Variants in LYPLAL1 observed in about 807,000 individuals in gnomAD.
LYPLAL1 encodes lysophospholipase like 1, also known as lysophospholipase-like protein 1.
In LYPLAL1, 23 loss-of-function variants were observed where a neutral mutation model predicts 19.7. That is an observed-to-expected ratio of 1.17 (90% CI 0.84 to 1.65). LYPLAL1 has a LOEUF of 1.65. LYPLAL1 is among the 40% of genes most tolerant of loss of function. LYPLAL1 has a pLI of 0.00. For synonymous variants in LYPLAL1, 119 were observed against 96.3 expected, an observed-to-expected ratio of 1.24 and a Z score of -1.38; for missense variants, 355 against 279.4, an observed-to-expected ratio of 1.27 and a Z score of -1.93.
chr1:219,228,487 C>G, the LYPLAL1 span, among the ~76,000 whole-genome samples: 35 of 150,516 alleles, frequency 2.3e-4, 1 homozygote, highest in Admixed American at 1.9e-3. Flanking sequence ...GTTGCTATGT[C>G]TTATCTCAAG....
the LYPLAL1 span, among the ~76,000 whole-genome samples, chr1:219,421,962 T>G: frequency 6.6e-6 from 1 of 152,202 alleles, no homozygotes; most frequent in Non-Finnish European, 1.5e-5. Flanking sequence ...AAAATTTGAT[T>G]GTGCCCTTTC....
chr1:219,376,924 G>T, the LYPLAL1 span, among the ~76,000 whole-genome samples: 2 of 152,136 alleles, frequency 1.3e-5, no homozygotes, highest in Admixed American at 1.3e-4. Context: ...CAGTATGGTG[G>T]TTCCTCAAAA....
At chr1:219,389,328 G>A in the LYPLAL1 span, among the ~76,000 whole-genome samples, 1 of 152,238 alleles carries the variant, frequency 6.6e-6, no homozygotes, top group African/African-American at 2.4e-5. Flanking sequence ...ACAAGAGTAT[G>A]GGGAAGGCCT....
At chr1:219,289,059 A>G in the LYPLAL1 span, among the ~76,000 whole-genome samples, 28 of 149,204 alleles carry the variant, frequency 1.9e-4, no homozygotes, top group African/African-American at 6.8e-4. Flanking sequence ...ATGTGCTGGC[A>G]CAAGTTACCT....
the LYPLAL1 span, among the ~76,000 whole-genome samples, chr1:219,332,006 G>A: frequency 4.5e-4 from 69 of 152,274 alleles, no homozygotes; most frequent in South Asian, 8.3e-4. Context: ...ACACTAGCCC[G>A]AGGTTCACTA....
the LYPLAL1 span, among the ~76,000 whole-genome samples, chr1:219,439,982 T>TATATATACACATATATATATATAC: frequency 1.7e-3 from 112 of 66,430 alleles, 1 homozygote; most frequent in African/African-American, 6.2e-3. Context: ...TACATATATA[T>TATATATACACATATATATATATAC]ATATATATAC....
At chr1:219,360,699 G>A in the LYPLAL1 span, among the ~76,000 whole-genome samples, 1 of 152,212 alleles carries the variant, frequency 6.6e-6, no homozygotes, top group Admixed American at 6.5e-5. Flanking sequence ...GATGTAAGAG[G>A]ACACTTGCTG....
At chr1:219,214,418 T>C (rs1335860917), downstream of LYPLAL1, among the ~76,000 whole-genome samples, 2 of 152,076 alleles carry the variant, frequency 1.3e-5, no homozygotes, top group Non-Finnish European at 2.9e-5. Flanking sequence ...TCCTCTTCTG[T>C]TTTCTGGGAT....
chr1:219,268,382 G>T, the LYPLAL1 span, among the ~76,000 whole-genome samples: 1 of 152,204 alleles, frequency 6.6e-6, no homozygotes, highest in African/African-American at 2.4e-5. Flanking sequence ...AGATGGAGTA[G>T]CTAGCACAAA....
the LYPLAL1 span, among the ~76,000 whole-genome samples, chr1:219,314,328 G>C: frequency 2.0e-5 from 3 of 152,038 alleles, no homozygotes; most frequent in African/African-American, 7.2e-5. Flanking sequence ...ATATTCCTTT[G>C]GGCATATACC....
At chr1:219,416,659 T>G in the LYPLAL1 span, among the ~76,000 whole-genome samples, 4 of 152,284 alleles carry the variant, frequency 2.6e-5, no homozygotes, top group African/African-American at 9.6e-5. Flanking sequence ...TAGAACTTTG[T>G]AGGGAAGGGG....
At chr1:219,350,191 A>G in the LYPLAL1 span, among the ~76,000 whole-genome samples, 1 of 152,316 alleles carries the variant, frequency 6.6e-6, no homozygotes, top group East Asian at 1.9e-4. Flanking sequence ...TCAGATGCTC[A>G]TGTTTTCCAT....
chr1:219,254,167 A>T, the LYPLAL1 span, among the ~76,000 whole-genome samples: 1 of 151,846 alleles, frequency 6.6e-6, no homozygotes, highest in Non-Finnish European at 1.5e-5. Context: ...TAAGCTTATG[A>T]GTGTCATTAC....
the LYPLAL1 span, among the ~76,000 whole-genome samples, chr1:219,302,605 A>G: frequency 6.6e-6 from 1 of 152,198 alleles, no homozygotes; most frequent in East Asian, 1.9e-4. Context: ...AATAAACATA[A>G]TATTTTTCAC....
At chr1:219,372,895 C>A in the LYPLAL1 span, among the ~76,000 whole-genome samples, 3 of 151,858 alleles carry the variant, frequency 2.0e-5, no homozygotes, top group Admixed American at 2.0e-4. Flanking sequence ...CACAGTGAGA[C>A]CCCTTCTCAA....
chr1:219,378,832 A>G, the LYPLAL1 span, among the ~76,000 whole-genome samples: 2 of 152,166 alleles, frequency 1.3e-5, no homozygotes, highest in East Asian at 3.9e-4. Context: ...ACAATAGACA[A>G]TATATTTTTA....
the LYPLAL1 span, among the ~76,000 whole-genome samples, chr1:219,346,366 A>G: frequency 2.3e-4 from 35 of 152,144 alleles, no homozygotes; most frequent in Non-Finnish European, 4.3e-4. Flanking sequence ...CAGTTCCTTG[A>G]TACCGTCTGG....
At chr1:219,340,680 C>T in the LYPLAL1 span, among the ~76,000 whole-genome samples, 5 of 151,870 alleles carry the variant, frequency 3.3e-5, no homozygotes, top group African/African-American at 7.3e-5. Flanking sequence ...GAAGTTGAAT[C>T]GATGGTCATT....
chr1:219,176,197 G>A (rs1655797415), intron 1 of LYPLAL1, among the ~76,000 whole-genome samples: 1 of 152,150 alleles, frequency 6.6e-6, no homozygotes, highest in Admixed American at 6.5e-5. Flanking sequence ...CTTCTTTTAA[G>A]ATGATAAAAA....
Sources: allele counts gnomAD v4.1 joint callset (sites outside exome capture counted in the v4.1 genomes callset), GRCh38; gene constraint gnomAD v4.1.1; transcripts MANE v1.5; gene names NCBI Gene and HGNC (gene_info 2026-07-23, HGNC 2026-07-21).